The following TPRG1 variants were observed in gnomAD, a reference collection of about 807,000 sequenced individuals.
The protein encoded by TPRG1 is tumor protein p63 regulated 1.
In TPRG1, 29 loss-of-function variants were observed where a neutral mutation model predicts 29.3. The ratio of observed to expected loss-of-function variants is 0.99; its 90% CI spans 0.74 to 1.35. The LOEUF (loss-of-function observed/expected upper bound fraction) is 1.35, where lower values mean the gene tolerates loss of function less well. TPRG1 is among the 40% of genes most tolerant of loss of function. TPRG1 has a pLI of 0.00. For synonymous variants in TPRG1, 130 were observed against 116.8 expected (o/e 1.11, Z -0.73); for missense variants, 327 against 335.0 (o/e 0.98, Z 0.19).
intron 4 of TPRG1, among the ~76,000 whole-genome samples, chr3:189,035,384 T>C (rs1355124307): frequency 1.3e-5 from 2 of 152,120 alleles, no homozygotes; most frequent in African/African-American, 2.4e-5. Flanking sequence ...GGAAAATAAT[T>C]TATGACTAAG....
intron 4 of TPRG1, among the ~76,000 whole-genome samples, chr3:189,061,739 G>A (rs1299824885): frequency 2.0e-5 from 3 of 152,088 alleles, no homozygotes; most frequent in Admixed American, 2.0e-4. Context: ...ACAACGAGAT[G>A]CCATCTCATG....
chr3:189,130,142 T>G (rs1407404889), intron 2 of TPRG1, among the ~76,000 whole-genome samples: 1 of 152,228 alleles, frequency 6.6e-6, no homozygotes, highest in African/African-American at 2.4e-5. Flanking sequence ...ATGATCATGA[T>G]GTATGTACAG....
chr3:189,026,118 C>G (rs1211589332), intron 4 of TPRG1, among the ~76,000 whole-genome samples: 7 of 152,240 alleles, frequency 4.6e-5, no homozygotes, highest in African/African-American at 1.4e-4. Context: ...GGTGTCTTAA[C>G]AGACATTTTT....
chr3:189,009,643 C>T (rs1325382996), intron 3 of TPRG1, among the ~76,000 whole-genome samples: 1 of 151,684 alleles, frequency 6.6e-6, no homozygotes, highest in Non-Finnish European at 1.5e-5. Context: ...TCTATTAATG[C>T]TTTCTGATCA....
intron 3 of TPRG1, among the ~76,000 whole-genome samples, chr3:189,228,966 A>G (rs1364770713): frequency 6.6e-6 from 1 of 152,200 alleles, no homozygotes; most frequent in African/African-American, 2.4e-5. Context: ...ATATTTTTAT[A>G]TACTAGCAAT....
chr3:189,208,903 T>C (rs993714683), intron 2 of TPRG1, among the ~76,000 whole-genome samples: 2 of 152,182 alleles, frequency 1.3e-5, no homozygotes, highest in African/African-American at 4.8e-5. Context: ...GCTGGGACTA[T>C]GGAAAGTTGT....
In TPRG1 at chr3:189,217,829, T is replaced by C; in HGVS notation, c.302+2446T>C. The C allele has an allele frequency of 4.1e-6, 4 of 985,404 alleles. No individual in the cohort carries two copies. The African/African-American group carries it at 7.0e-5, about 17-fold the overall frequency. The allele number at this position is 985,404 out of a possible 1,614,324, so 61.0% of individuals were successfully genotyped here. ...GAGGAGCATTCATGGAGGATTTAAA[T>C]GGCCTTTCATATTTAAGCCTTTTTG... On this transcript the variant is annotated intron_variant, in intron 3 of 5. Transcript: ENST00000345063.
intron 4 of TPRG1, among the ~76,000 whole-genome samples, chr3:189,300,009 T>C (rs942009659): frequency 3.3e-5 from 5 of 152,200 alleles, no homozygotes; most frequent in Admixed American, 6.5e-5. Context: ...AGTGACACTA[T>C]GGAGCAAGGT....
At chr3:189,148,964 C>T (rs1725595213) in intron 4 of TPRG1, among the ~76,000 whole-genome samples, 1 of 152,180 alleles carries the variant, frequency 6.6e-6, no homozygotes, top group African/African-American at 2.4e-5. Context: ...TCTTGCTTGA[C>T]ACTGCTGCTG....
intron 4 of TPRG1, among the ~76,000 whole-genome samples, chr3:189,278,363 T>A (rs1281965925): frequency 6.6e-6 from 1 of 152,098 alleles, no homozygotes; most frequent in African/African-American, 2.4e-5. Context: ...GAGTCTGGAT[T>A]CTCACAGGCC....
rs547718193 is a variant in TPRG1, at chr3:189,245,529, T to C, written c.479+6620T>C. Reference sequence around the variant, plus strand: ...CAGGTTTTTATAGATATCTTAATTATACTTAATTCTAATTTAGAGAGCATA... The same window carrying C: ...CAGGTTTTTATAGATATCTTAATTACACTTAATTCTAATTTAGAGAGCATA... On this transcript the variant is annotated intron_variant, in intron 4 of 5. Transcript: ENST00000345063. Among the ~76,000 whole-genome samples the C allele has an allele frequency of 5.3e-5, 8 of 152,138 alleles. No homozygotes were observed. In the South Asian group the frequency reaches 1.7e-3, roughly 32 times the overall value.
chr3:189,087,025 A>G (rs972482546), intron 4 of TPRG1, among the ~76,000 whole-genome samples: 22 of 152,292 alleles, frequency 1.4e-4, no homozygotes, highest in African/African-American at 5.3e-4. Flanking sequence ...TATACCCAGT[A>G]ATGGGATGGC....
intron 4 of TPRG1, among the ~76,000 whole-genome samples, chr3:189,293,431 G>C (rs2109217277): frequency 6.6e-6 from 1 of 152,244 alleles, no homozygotes; most frequent in South Asian, 2.1e-4. Context: ...TCTCACCCCT[G>C]AAAAGGGATT....
intron 4 of TPRG1, among the ~76,000 whole-genome samples, chr3:189,244,979 G>T (rs184988246): frequency 2.0e-5 from 3 of 152,080 alleles, no homozygotes; most frequent in Non-Finnish European, 4.4e-5. Context: ...GGAGTGCAAC[G>T]GTATGATCTT....
intron 4 of TPRG1, among the ~76,000 whole-genome samples, chr3:189,253,415 G>A (rs1196147761): frequency 6.6e-6 from 1 of 152,188 alleles, no homozygotes; most frequent in Non-Finnish European, 1.5e-5. Flanking sequence ...CCATGTGCCT[G>A]CAAAGGACAT....
At chr3:189,093,067 A>G (rs1467023282) in intron 4 of TPRG1, among the ~76,000 whole-genome samples, 1 of 152,066 alleles carries the variant, frequency 6.6e-6, no homozygotes, top group Non-Finnish European at 1.5e-5. Context: ...AAATAGCCAA[A>G]ATATTCCAGC....
chr3:189,145,572 A>G (rs1189413479), intron 3 of TPRG1, among the ~76,000 whole-genome samples: 1 of 152,160 alleles, frequency 6.6e-6, no homozygotes, highest in Non-Finnish European at 1.5e-5. Context: ...TAAGGTAGCA[A>G]TAGGGTTGTT....
chr3:189,143,682 A>G (rs960150546), intron 3 of TPRG1, among the ~76,000 whole-genome samples: 14 of 152,204 alleles, frequency 9.2e-5, no homozygotes, highest in Non-Finnish European at 1.8e-4. Context: ...TCTTTTACTC[A>G]GGCTGACCCC....
intron 4 of TPRG1, among the ~76,000 whole-genome samples, chr3:189,243,614 T>G (rs1740953587): frequency 6.6e-6 from 1 of 152,198 alleles, no homozygotes; most frequent in Non-Finnish European, 1.5e-5. Flanking sequence ...TCTTTAAACA[T>G]GAGTCCAACT....
Sources: gnomAD v4.1 joint callset for allele counts (sites outside exome capture counted in the v4.1 genomes callset) on GRCh38, gnomAD v4.1.1 for gene constraint, MANE v1.5 for transcripts, NCBI Gene and HGNC (gene_info 2026-07-23, HGNC 2026-07-21) for gene names.